The following ESR2 variants were observed in gnomAD, a reference collection of about 807,000 sequenced individuals.
ESR2 encodes estrogen receptor beta.
A neutral mutation model predicts 49.6 loss-of-function variants in ESR2; 36 were observed. That is an observed-to-expected ratio of 0.73 (90% CI 0.56 to 0.96). The LOEUF (loss-of-function observed/expected upper bound fraction) is 0.96, where lower values mean the gene tolerates loss of function less well. Among genes scored for constraint, ESR2 ranks in the 40% least tolerant of loss-of-function variants. The pLI is 0.00. For synonymous variants in ESR2, 320 were observed against 266.1 expected (o/e 1.20, Z -1.97); for missense variants, 714 against 693.0 (o/e 1.03, Z -0.34).
At chr14:64,246,671 T>A (rs2140665474) in intron 7 of ESR2, among the ~76,000 whole-genome samples, 1 of 137,130 alleles carries the variant, frequency 7.3e-6, no homozygotes, top group South Asian at 2.3e-4. Flanking sequence ...GGCGGAGGTT[T>A]CAGTGAGCCA....
intron 2 of ESR2, among the ~76,000 whole-genome samples, chr14:64,281,358 T>C (rs1355624763): frequency 6.6e-6 from 1 of 152,160 alleles, no homozygotes; most frequent in African/African-American, 2.4e-5. Context: ...AAGGTAATTA[T>C]ATAATGGATT....
intron 7 of ESR2, among the ~76,000 whole-genome samples, chr14:64,248,084 C>T (rs2075904054): frequency 6.6e-6 from 1 of 152,174 alleles, no homozygotes; most frequent in South Asian, 2.1e-4. Context: ...GTCTCAGCTA[C>T]TCAGGTGGCT....
At chr14:64,235,430 A>G (rs1207155135) in intron 7 of ESR2, among the ~76,000 whole-genome samples, 1 of 152,230 alleles carries the variant, frequency 6.6e-6, no homozygotes, top group Non-Finnish European at 1.5e-5. Context: ...CGTGGCGAGT[A>G]TATCTAGTCT....
intron 1 of ESR2, among the ~76,000 whole-genome samples, chr14:64,321,439 C>T (rs1410900503): frequency 6.6e-6 from 1 of 151,996 alleles, no homozygotes; most frequent in Non-Finnish European, 1.5e-5. Flanking sequence ...AATTTTATGG[C>T]ATGTAAATAT....
intron 6 of ESR2, among the ~76,000 whole-genome samples, chr14:64,255,483 T>A (rs906355160): frequency 6.6e-6 from 1 of 152,170 alleles, no homozygotes; most frequent in African/African-American, 2.4e-5. Flanking sequence ...ACATCTCTGT[T>A]CTGCAGAATG....
chr14:64,310,676 T>A (rs1387917012), intron 1 of ESR2, among the ~76,000 whole-genome samples: 1 of 152,096 alleles, frequency 6.6e-6, no homozygotes, highest in Non-Finnish European at 1.5e-5. Context: ...TTCATTATGT[T>A]GGCCAGGCTG....
intron 1 of ESR2, among the ~76,000 whole-genome samples, chr14:64,291,642 T>C (rs543733804): frequency 5.1e-4 from 78 of 152,184 alleles, no homozygotes; most frequent in Non-Finnish European, 9.8e-4. Flanking sequence ...TTACAAAAGG[T>C]TATACATCTC....
At chr14:64,293,150 A>G (rs576192456) in intron 1 of ESR2, among the ~76,000 whole-genome samples, 1 of 152,354 alleles carries the variant, frequency 6.6e-6, no homozygotes, top group East Asian at 1.9e-4. Flanking sequence ...GATGTTAATC[A>G]TGTTCTTTTC....
Position 64,284,462 on chromosome 14 carries a change from G to C in ESR2, c.-90-1387C>G, listed in dbSNP as rs191200712. 4.1e-4 allele frequency among the ~76,000 whole-genome samples: 62 copies of C among 151,744 alleles called. 1 individual carries two copies. The highest frequency in any genetic ancestry group is 2.7e-3 in the South Asian group (13 of 4,804). On this transcript the variant is annotated intron_variant, in intron 1 of 8. Transcript: ENST00000341099. ...ATGTCTCAGCCTCCTGAGTAGCTGGGATTACAGGCATACACCACCACACTA... is the reference window on the plus strand; with the variant it reads ...ATGTCTCAGCCTCCTGAGTAGCTGGCATTACAGGCATACACCACCACACTA...
intron 1 of ESR2, among the ~76,000 whole-genome samples, chr14:64,318,628 G>A (rs960458729): frequency 6.6e-6 from 1 of 151,474 alleles, no homozygotes; most frequent in Non-Finnish European, 1.5e-5. Flanking sequence ...TGCTGGGTGT[G>A]GTGGCTCACA....
At chr14:64,333,620 A>G (rs2077490611) in intron 1 of ESR2, among the ~76,000 whole-genome samples, 1 of 152,204 alleles carries the variant, frequency 6.6e-6, no homozygotes, top group South Asian at 2.1e-4. Flanking sequence ...TGAAACATAC[A>G]TCTTACATGG....
chr14:64,306,791 G>C (rs779328084), intron 1 of ESR2, among the ~76,000 whole-genome samples: 5 of 152,158 alleles, frequency 3.3e-5, no homozygotes, highest in Non-Finnish European at 5.9e-5. Flanking sequence ...TGTTATCCTA[G>C]GATGAATTGG....
chr14:64,251,727 T>C (rs1297756542), intron 6 of ESR2, among the ~76,000 whole-genome samples: 2 of 152,166 alleles, frequency 1.3e-5, no homozygotes, highest in African/African-American at 4.8e-5. Context: ...GCTTTCTTTT[T>C]AAGCAGGTGT....
chr14:64,283,089 C>T lies in ESR2; in HGVS notation c.-90-14G>A. 2 of 1,209,994 alleles carry T rather than the reference C, an allele frequency of 1.7e-6. No homozygotes were observed. Among genetic ancestry groups the T allele is most frequent in the Non-Finnish European group, 1.1e-6 (1 of 874,528 alleles). The allele number at this position is 1,209,994 out of a possible 1,614,324, so 75.0% of individuals were successfully genotyped here. On this transcript the variant is annotated splice_polypyrimidine_tract_variant and intron_variant, in intron 1 of 8. Transcript: ENST00000341099. ...CAAGTATAATGGCTGTAAAGAAACA[C>T]AGAAGATATTGCCAAGTTAGAGCTA...
Position 64,233,216 on chromosome 14 carries a change from G to T in ESR2, c.1514C>A (p.Ser505Tyr), listed in dbSNP as rs1037171242. Residue 505 changes from serine (S) to tyrosine (Y), a missense_variant, in exon 9 of 9, where the codon TCC becomes TAC. Ser to Tyr is a moderately radical substitution (Grantham distance 144, BLOSUM62 -2). Coordinates refer to ENST00000341099, the MANE Select transcript of ESR2 (RefSeq NM_001437.3). Reference sequence around the variant, plus strand: ...GCTGCACTCGGACCCCGTGATGGAGGACTTGCACCCGCGAAGCACGTGGGC... The same window carrying T: ...GCTGCACTCGGACCCCGTGATGGAGTACTTGCACCCGCGAAGCACGTGGGC... ...LNAHVLRGCK[S>Y]SITGSECSPA... 6.2e-7 allele frequency: 1 copy of T among 1,614,154 alleles called. No individual in the cohort carries two copies. Among genetic ancestry groups the T allele is most frequent in the Non-Finnish European group, 8.5e-7 (1 of 1,180,026 alleles).
chr14:64,277,748 T>C lies in ESR2; in HGVS notation c.535+2233A>G, dbSNP rs185167024. On this transcript the variant is annotated intron_variant, in intron 3 of 8. Transcript: ENST00000341099. ...TTTCAGTTACTGTAATGCACTTATA[T>C]CAAAGACAGGAAGCATGCAAAGAAA... is the stretch of plus-strand genomic sequence containing the variant. Among the ~76,000 whole-genome samples, 547 of 151,804 alleles carry C rather than the reference T, an allele frequency of 3.6e-3. 2 individuals carry two copies. Among genetic ancestry groups the C allele is most frequent in the Non-Finnish European group, 6.2e-3 (421 of 67,932 alleles).
rs1322819915 is a variant in ESR2, at chr14:64,282,994, A to G, written c.-9T>C. On this transcript the variant is annotated 5_prime_UTR_variant, in exon 2 of 9. Transcript: ENST00000341099. ...GAGTTTTTTATATCCATGTCTTGAG[A>G]TAACAGCTGAGAAAACACCTTGCAA... The G allele has an allele frequency of 5.0e-6, 8 of 1,605,014 alleles. No individual in the cohort carries two copies. Among genetic ancestry groups the G allele is most frequent in the Non-Finnish European group, 6.8e-6 (8 of 1,174,856 alleles).
At position 64,230,083 on chromosome 14, in the gene ESR2, G is replaced by A. The variant is rs1459910611; in HGVS notation, c.*3054C>T. ...GCTACTCGGCGAGGGCGGGAATGGG[G>A]TGGGATGGGGCACTGTGGTGGGAGG... On this transcript the variant is annotated 3_prime_UTR_variant, in exon 9 of 9. Coordinates refer to ENST00000341099, the MANE Select transcript of ESR2 (RefSeq NM_001437.3). 4.6e-5 allele frequency among the ~76,000 whole-genome samples: 7 copies of A among 152,016 alleles called. No homozygotes were observed. Among genetic ancestry groups the A allele is most frequent in the Non-Finnish European group, 1.0e-4 (7 of 67,992 alleles).
chr14:64,230,756 G>T lies in ESR2; in HGVS notation c.*2381C>A, dbSNP rs1032973698. On this transcript the variant is annotated 3_prime_UTR_variant, in exon 9 of 9. Coordinates refer to ENST00000341099, the MANE Select transcript of ESR2 (RefSeq NM_001437.3). ...TAGCTCAGCTGGAAACTCACTGTGCGGCGCTCCTGATACTGCCCACTCGAG... is the reference window on the plus strand; with the variant it reads ...TAGCTCAGCTGGAAACTCACTGTGCTGCGCTCCTGATACTGCCCACTCGAG... Among the ~76,000 whole-genome samples the T allele has an allele frequency of 2.0e-5, 3 of 151,392 alleles. No homozygotes were observed. The highest frequency in any genetic ancestry group is 4.4e-5 in the Non-Finnish European group (3 of 67,880).
Sources: allele counts gnomAD v4.1 joint callset (sites outside exome capture counted in the v4.1 genomes callset), GRCh38; gene constraint gnomAD v4.1.1; transcripts MANE v1.5; gene names NCBI Gene and HGNC (gene_info 2026-07-23, HGNC 2026-07-21).